The following NSD1 variants were observed in gnomAD, a reference collection of about 807,000 sequenced individuals.
The protein encoded by NSD1 is nuclear receptor binding SET domain protein 1.
Under a neutral mutation model 242.7 loss-of-function variants are expected in NSD1, and 26 were observed. The observed-to-expected ratio is 0.11, with a 90% CI of 0.08 to 0.15. NSD1 has a LOEUF of 0.15. Ranked by LOEUF, NSD1 falls within the 10% of genes least tolerant of loss-of-function variation. NSD1 has a pLI of 1.00. For missense variants in NSD1, 2,495 were observed against 3,272.8 expected, an observed-to-expected ratio of 0.76 and a Z score of 5.80; for synonymous variants, 1,106 against 1,178.1, an observed-to-expected ratio of 0.94 and a Z score of 1.25.
In NSD1 at chr5:177,135,865, C is replaced by T. The variant is rs1444633192; in HGVS notation, c.762C>T (p.Leu254=). ...GCAGCAATGAAAAAGCAGCCCTTCT[C>T]CCAGCCCCCTTTTCACTAGGAGACA... ...VDGSNEKAAL[L]PAPFSLGDTN... is the part of the protein sequence containing the mutation. Residue 254 remains leucine, a synonymous_variant, in exon 2 of 23, where the codon CTC becomes CTT. Transcript: ENST00000439151. 1.2e-6 allele frequency: 2 copies of T among 1,606,692 alleles called. No homozygotes were observed. Among genetic ancestry groups the T allele is most frequent in the African/African-American group, 1.3e-5 (1 of 74,770 alleles).
intron 14 of NSD1, chr5:177,265,789 C>T: frequency 1.4e-6 from 2 of 1,423,732 alleles, no homozygotes; most frequent in Non-Finnish European, 2.0e-6. Context: ...AGAAGCCGGT[C>T]CCTCCGGTCC....
At chr5:177,132,869 C>T (rs1028386959), upstream of NSD1, among the ~76,000 whole-genome samples, 12 of 152,276 alleles carry the variant, frequency 7.9e-5, no homozygotes, top group African/African-American at 2.6e-4. The surrounding 1 kb of genome is among the most constrained non-coding windows in gnomAD (Gnocchi z 7.5). Context: ...GCCGAGTCCC[C>T]GGCCCGTCTG....
rs150492535 is a variant in NSD1 at position 177,207,593 on chromosome 5, A to ATTTTTTTTTTTTTTTTTTTTTTTTT, written c.1237-2038_1237-2014dup. Among the ~76,000 whole-genome samples the ATTTTTTTTTTTTTTTTTTTTTTTTT allele has an allele frequency of 1.3e-4, 10 of 78,220 alleles. 1 individual carries two copies. Among genetic ancestry groups the ATTTTTTTTTTTTTTTTTTTTTTTTT allele is most frequent in the African/African-American group, 7.1e-4 (10 of 14,182 alleles). The allele number at this position is 78,220 out of a possible 152,430, so 51.3% of individuals were successfully genotyped here. ...CACCGTGCCTGGCCTATTTATTTAA[A>ATTTTTTTTTTTTTTTTTTTTTTTTT]TTTTTTTTTTTTTTTTTTTTTTTTT... is the stretch of plus-strand genomic sequence containing the variant. On this transcript the variant is annotated intron_variant, in intron 4 of 22. Transcript: ENST00000439151.
rs1554183366 is a variant in NSD1 at position 177,181,427 on chromosome 5, G to GTTGTTTTTT, written c.928-10455_928-10454insGTTTTTTTT. On this transcript the variant is annotated intron_variant, in intron 2 of 22. Coordinates refer to ENST00000439151, the MANE Select transcript of NSD1 (RefSeq NM_022455.5). ...AAACTTCATTATGGGTTTTTTTTTG[G>GTTGTTTTTT]TTTTTTTTTTTTTTTTTTGGCAGGT... 2.3e-3 allele frequency among the ~76,000 whole-genome samples: 275 copies of GTTGTTTTTT among 117,304 alleles called. 3 individuals carry two copies. Among genetic ancestry groups the GTTGTTTTTT allele is most frequent in the African/African-American group, 9.2e-3 (251 of 27,184 alleles). 77.0% of individuals were successfully genotyped at this position (117,304 alleles called of 152,430 possible). A position where few individuals can be genotyped will look rare whatever the true frequency, so the allele number is the denominator to read the frequency against.
intron 2 of NSD1, among the ~76,000 whole-genome samples, chr5:177,152,323 A>ATGTG (rs2149778510): frequency 1.2e-5 from 1 of 83,304 alleles, no homozygotes; most frequent in Non-Finnish European, 2.4e-5. Flanking sequence ...GTGTGTGTGT[A>ATGTG]TGTATGTATG....
At position 177,269,841 on chromosome 5, in the gene NSD1, C is replaced by A. The variant is rs1340499185; in HGVS notation, c.5509+34C>A. ...ATCCTTTTTGTTTCTCAGGCAAACA[C>A]AGACCTCTGTTACCTGAGTGTCTGA... On this transcript the variant is annotated intron_variant, in intron 16 of 22. Transcript: ENST00000439151. This position sits in a 1 kb window ranked among gnomAD's most constrained non-coding sequence, Gnocchi z 5.1. 1.9e-6 allele frequency: 3 copies of A among 1,560,130 alleles called. No homozygotes were observed. The highest frequency in any genetic ancestry group is 1.1e-5 in the South Asian group (1 of 87,084).
At chr5:177,144,788 A>G (rs544412675) in intron 2 of NSD1, among the ~76,000 whole-genome samples, 1 of 152,254 alleles carries the variant, frequency 6.6e-6, no homozygotes, top group South Asian at 2.1e-4. Flanking sequence ...TGAATTTAGA[A>G]AAGTAATACT....
chr5:177,220,493 G>A (rs987703969), intron 5 of NSD1, among the ~76,000 whole-genome samples: 1 of 147,824 alleles, frequency 6.8e-6, no homozygotes. Context: ...TTGTATAATG[G>A]TTTTCATTCA....
intron 18 of NSD1, 50 bp downstream of exon 18, chr5:177,280,884 G>A (rs1357451699): frequency 6.4e-6 from 10 of 1,569,796 alleles, no homozygotes; most frequent in Non-Finnish European, 7.9e-6. Context: ...GCAGTTGCTT[G>A]ATATCATTGA....
chr5:177,200,940 G>T (rs1762468104), intron 3 of NSD1, among the ~76,000 whole-genome samples: 1 of 151,726 alleles, frequency 6.6e-6, no homozygotes, highest in Non-Finnish European at 1.5e-5. Context: ...TGTTGCTCAG[G>T]CTGGAGTGCA....
At chr5:177,265,619 C>T in intron 14 of NSD1, 1 of 1,538,316 alleles carries the variant, frequency 6.5e-7, no homozygotes, top group Non-Finnish European at 9.0e-7. Context: ...CAGATGGCCC[C>T]TGAAATCTAG....
At chr5:177,247,380 T>C (rs746290606) in intron 10 of NSD1, among the ~76,000 whole-genome samples, 3 of 152,066 alleles carry the variant, frequency 2.0e-5, no homozygotes, top group Non-Finnish European at 4.4e-5. Context: ...TGAGCCGAAA[T>C]CATGCCACTG....
upstream of NSD1, among the ~76,000 whole-genome samples, chr5:177,132,010 C>A (rs1298892739): frequency 6.6e-6 from 1 of 152,206 alleles, no homozygotes; most frequent in Admixed American, 6.5e-5. This position sits in a 1 kb window ranked among gnomAD's most constrained non-coding sequence, Gnocchi z 7.5. Context: ...GGGCTGGAGT[C>A]GCAAGTTCAG....
In NSD1 at chr5:177,300,023, G is replaced by T. The variant is rs1022101032; in HGVS notation, c.*4564G>T. On this transcript the variant is annotated 3_prime_UTR_variant, in exon 23 of 23. Coordinates refer to ENST00000439151, the MANE Select transcript of NSD1 (RefSeq NM_022455.5). Reference sequence around the variant, plus strand: ...ATATTGTTAAGAAAGGGGTCGGGGGGATCAGCCAAGGTCCATCATTGCTTT... The same window carrying T: ...ATATTGTTAAGAAAGGGGTCGGGGGTATCAGCCAAGGTCCATCATTGCTTT... 6 of 226,164 alleles carry T rather than the reference G, an allele frequency of 2.7e-5. No individual in the cohort carries two copies. The highest frequency in any genetic ancestry group is 1.4e-4 in the African/African-American group (6 of 43,756). 14.0% of individuals were successfully genotyped at this position (226,164 alleles called of 1,614,324 possible). A position where few individuals can be genotyped will look rare whatever the true frequency, so the allele number is the denominator to read the frequency against.
chr5:177,287,111 T>G (rs1759397814), intron 20 of NSD1, among the ~76,000 whole-genome samples: 1 of 152,244 alleles, frequency 6.6e-6, no homozygotes, highest in African/African-American at 2.4e-5. Flanking sequence ...CCATCAATGA[T>G]TGCTGCATAT....
chr5:177,259,915 T>C (rs1243927161), intron 13 of NSD1, 74 bp from the exon 14 acceptor site: 2 of 1,531,636 alleles, frequency 1.3e-6, no homozygotes, highest in African/African-American at 2.8e-5. Context: ...ACAAATAGAC[T>C]TGAATAACTC....
At chr5:177,202,921 A>C (rs375517982) in intron 3 of NSD1, among the ~76,000 whole-genome samples, 1 of 152,120 alleles carries the variant, frequency 6.6e-6, no homozygotes, top group East Asian at 1.9e-4. Context: ...TATGTTTTTT[A>C]ATAGAAAAAC....
rs574880281 is a variant in NSD1, at chr5:177,154,013, C to T, written c.927+17983C>T. Among the ~76,000 whole-genome samples, 5 of 152,150 alleles carry T rather than the reference C, an allele frequency of 3.3e-5. No individual in the cohort carries two copies. In the South Asian group the frequency reaches 1.0e-3, roughly 32 times the overall value. Reference sequence around the variant, plus strand: ...CTTAGCTGGATGGTGCTGGCTCAGTCTCTCTAATGAATTTACAGTCAAGAT... The same window carrying T: ...CTTAGCTGGATGGTGCTGGCTCAGTTTCTCTAATGAATTTACAGTCAAGAT... On this transcript the variant is annotated intron_variant, in intron 2 of 22. Coordinates refer to ENST00000439151, the MANE Select transcript of NSD1 (RefSeq NM_022455.5).
At chr5:177,256,554 A>ATTG (rs1266671486) in intron 12 of NSD1, among the ~76,000 whole-genome samples, 10 of 152,152 alleles carry the variant, frequency 6.6e-5, no homozygotes, top group Admixed American at 5.9e-4. Context: ...AAGTGCTGGG[A>ATTG]TTGTAGGCGT....
Sources: gnomAD v4.1 joint callset for allele counts (sites outside exome capture counted in the v4.1 genomes callset) on GRCh38, gnomAD v4.1.1 for gene constraint, Gnocchi (gnomAD v3.1) non-coding constraint, MANE v1.5 for transcripts, NCBI Gene and HGNC (gene_info 2026-07-23, HGNC 2026-07-21) for gene names.